The following TEX9 variants were observed in gnomAD, a reference collection of about 807,000 sequenced individuals.
TEX9 encodes testis expressed 9.
TEX9 carries 74 observed loss-of-function variants against 59.6 expected under a neutral mutation model. That is an observed-to-expected ratio of 1.24 (90% CI 1.03 to 1.51). The LOEUF (loss-of-function observed/expected upper bound fraction) is 1.51. TEX9 is among the 40% of genes most tolerant of loss of function. The pLI, the probability that TEX9 is intolerant of heterozygous loss-of-function variation, is 0.00. For missense variants in TEX9, 522 were observed against 447.8 expected (o/e 1.17, Z -1.49); for synonymous variants, 186 against 152.2 (o/e 1.22, Z -1.64).
intron 2 of TEX9, among the ~76,000 whole-genome samples, chr15:56,366,365 C>G (rs979544861): frequency 1.3e-5 from 2 of 152,168 alleles, no homozygotes; most frequent in Admixed American, 6.5e-5. Context: ...CCTTTTCCCC[C>G]TAAAACTCTC....
intron 10 of TEX9, among the ~76,000 whole-genome samples, chr15:56,419,942 C>T (rs1407188582): frequency 7.2e-5 from 11 of 151,770 alleles, no homozygotes; most frequent in Admixed American, 5.9e-4. Context: ...AATTCAATTT[C>T]TTTAATAGAT....
At chr15:56,413,230 T>C (rs374975172) in intron 10 of TEX9, among the ~76,000 whole-genome samples, 30 of 112,700 alleles carry the variant, frequency 2.7e-4, no homozygotes, top group Middle Eastern at 3.9e-3. Context: ...ATTTAATTTA[T>C]TTAATACTTA....
At chr15:56,365,363 A>G (rs113502004), upstream of TEX9, 8 of 1,515,930 alleles carry the variant, frequency 5.3e-6, no homozygotes, top group Non-Finnish European at 6.2e-6. Flanking sequence ...GGGAAGGCGT[A>G]GGCGCCCGGG....
chr15:56,359,686 T>A (rs1314467749), intron 1 of TEX9, among the ~76,000 whole-genome samples: 11 of 152,294 alleles, frequency 7.2e-5, no homozygotes, highest in African/African-American at 2.2e-4. Flanking sequence ...GACATTCATG[T>A]CATCTATACA....
At chr15:56,307,793 T>C (rs573870238) in intron 1 of TEX9, among the ~76,000 whole-genome samples, 2 of 152,334 alleles carry the variant, frequency 1.3e-5, no homozygotes, top group East Asian at 3.9e-4. Flanking sequence ...TTTCTGTCTT[T>C]ATGGATTTGC....
exon 9 of TEX9, chr15:56,394,829 G>C (rs2048380873): frequency 6.2e-7 from 1 of 1,605,598 alleles, no homozygotes; most frequent in Non-Finnish European, 8.5e-7. Context: ...GTCTTCAGTA[G>C]AAAGGGTAAT....
At chr15:56,288,463 G>C (rs1394403614) in intron 1 of TEX9, among the ~76,000 whole-genome samples, 1 of 152,016 alleles carries the variant, frequency 6.6e-6, no homozygotes, top group African/African-American at 2.4e-5. Flanking sequence ...TTTCTCTAGG[G>C]AAGTCTTTGT....
At chr15:56,255,429 A>G (rs1429054479) in intron 1 of TEX9, among the ~76,000 whole-genome samples, 3 of 152,096 alleles carry the variant, frequency 2.0e-5, no homozygotes, top group Admixed American at 6.6e-5. Flanking sequence ...AAAAAAAGTC[A>G]AGCCATCAGT....
chr15:56,348,940 C>G (rs1251910612), intron 1 of TEX9, among the ~76,000 whole-genome samples: 1 of 121,588 alleles, frequency 8.2e-6, no homozygotes, highest in Non-Finnish European at 1.8e-5. Context: ...TCTTTTTTTT[C>G]TGGTTCAGAT....
intron 12 of TEX9, among the ~76,000 whole-genome samples, chr15:56,439,876 T>C (rs1183755362): frequency 6.6e-6 from 1 of 150,406 alleles, no homozygotes; most frequent in Non-Finnish European, 1.5e-5. Flanking sequence ...GCATGATCCA[T>C]AAAAAGAAAA....
intron 10 of TEX9, among the ~76,000 whole-genome samples, chr15:56,426,205 C>CA (rs1327699104): frequency 1.3e-5 from 2 of 152,044 alleles, no homozygotes; most frequent in Non-Finnish European, 2.9e-5. Context: ...AGACAGATAG[C>CA]AGTCCCTCAG....
chr15:56,345,511 A>G (rs1312052378), intron 1 of TEX9, among the ~76,000 whole-genome samples: 2 of 151,934 alleles, frequency 1.3e-5, no homozygotes, highest in African/African-American at 4.8e-5. Context: ...CTACACTCAA[A>G]CTCATGGGCC....
At chr15:56,455,329 C>T in the TEX9 span, among the ~76,000 whole-genome samples, 2 of 147,866 alleles carry the variant, frequency 1.4e-5, no homozygotes, top group Non-Finnish European at 3.0e-5. Context: ...TAGTTTGAGA[C>T]TAGAACAATA....
At position 56,309,707 on chromosome 15, in the gene TEX9, T is replaced by G. The variant is rs1375631424; in HGVS notation, c.-106-63734T>G. Among the ~76,000 whole-genome samples the G allele has an allele frequency of 1.8e-4, 24 of 131,698 alleles. 1 individual carries two copies. The East Asian group carries it at 4.5e-3, about 25-fold the overall frequency. The allele number at this position is 131,698 out of a possible 152,430, so 86.4% of individuals were successfully genotyped here. On this transcript the variant is annotated intron_variant, in intron 1 of 5. Transcript: ENST00000560827. ...TTTTATGGGAAGTTTTTTTTTTTTT[T>G]TTTTTTTTTTTTTTTTTAAAGCAGT...
chr15:56,319,442 C>T (rs1314569767), intron 1 of TEX9, among the ~76,000 whole-genome samples: 1 of 151,864 alleles, frequency 6.6e-6, no homozygotes, highest in Non-Finnish European at 1.5e-5. Flanking sequence ...GCTCTGATTG[C>T]AGATTTCAGA....
chr15:56,296,364 T>C (rs1159464224), intron 1 of TEX9, among the ~76,000 whole-genome samples: 1 of 152,146 alleles, frequency 6.6e-6, no homozygotes, highest in Admixed American at 6.6e-5. Context: ...TCAAGTTTCT[T>C]TAATTAGTAT....
chr15:56,264,067 G>A (rs990968876), intron 1 of TEX9, among the ~76,000 whole-genome samples: 1 of 152,140 alleles, frequency 6.6e-6, no homozygotes, highest in African/African-American at 2.4e-5. Flanking sequence ...AGGTTTTAAT[G>A]TGAACCCATT....
At chr15:56,292,502 G>A (rs2045118233) in intron 1 of TEX9, among the ~76,000 whole-genome samples, 2 of 152,162 alleles carry the variant, frequency 1.3e-5, no homozygotes. Context: ...TACAGCCTGG[G>A]AAGGGCCTTA....
chr15:56,350,625 A>G (rs1424423865), intron 1 of TEX9, among the ~76,000 whole-genome samples: 1 of 152,160 alleles, frequency 6.6e-6, no homozygotes, highest in Non-Finnish European at 1.5e-5. Context: ...TATTTAGCCT[A>G]ATTTAGAGTT....
Sources: allele counts gnomAD v4.1 joint callset (sites outside exome capture counted in the v4.1 genomes callset), GRCh38; gene constraint gnomAD v4.1.1; transcripts MANE v1.5; gene names NCBI Gene and HGNC (gene_info 2026-07-23, HGNC 2026-07-21).